The following RIC8B variants were observed in gnomAD, a reference collection of about 807,000 sequenced individuals.
RIC8B encodes RIC8 guanine nucleotide exchange factor B.
Under a neutral mutation model 57.5 loss-of-function variants are expected in RIC8B, and 16 were observed. The ratio of observed to expected loss-of-function variants is 0.28; its 90% CI spans 0.19 to 0.42. The LOEUF is 0.42. Ranked by LOEUF, RIC8B falls within the 10% of genes least tolerant of loss-of-function variation. RIC8B has a pLI of 1.00. For synonymous variants in RIC8B, 216 were observed against 250.8 expected (o/e 0.86, Z 1.31); for missense variants, 481 against 677.0 (o/e 0.71, Z 3.21).
At chr12:106,847,557 A>G (rs1245920890) in intron 6 of RIC8B, among the ~76,000 whole-genome samples, 1 of 152,176 alleles carries the variant, frequency 6.6e-6, no homozygotes, top group East Asian at 1.9e-4. Flanking sequence ...TATGGATTCC[A>G]TAAACACTTT....
chr12:106,811,205 C>G (rs1213410053), intron 2 of RIC8B, among the ~76,000 whole-genome samples: 1 of 152,230 alleles, frequency 6.6e-6, no homozygotes, highest in Non-Finnish European at 1.5e-5. Context: ...AAGGAGAAGT[C>G]AAGGTAATGT....
chr12:106,782,633 A>G (rs2043816395), intron 1 of RIC8B, among the ~76,000 whole-genome samples: 1 of 152,094 alleles, frequency 6.6e-6, no homozygotes, highest in Non-Finnish European at 1.5e-5. Flanking sequence ...ATTGTTTTGC[A>G]TCTATATTCG....
intron 2 of RIC8B, among the ~76,000 whole-genome samples, chr12:106,790,746 C>T (rs981532604): frequency 1.3e-5 from 2 of 152,186 alleles, no homozygotes; most frequent in African/African-American, 4.8e-5. Context: ...AGATTTCCAG[C>T]TCTTTCACAT....
At chr12:106,875,449 T>C (rs750924478) in intron 9 of RIC8B, among the ~76,000 whole-genome samples, 42 of 152,182 alleles carry the variant, frequency 2.8e-4, no homozygotes, top group Non-Finnish European at 4.4e-4. Flanking sequence ...TCATTTGCCT[T>C]AGCTATTGCA....
At chr12:106,847,775 G>A (rs780822270) in intron 6 of RIC8B, among the ~76,000 whole-genome samples, 6 of 152,168 alleles carry the variant, frequency 3.9e-5, no homozygotes, top group Non-Finnish European at 7.3e-5. Context: ...ATTTGACTTC[G>A]TGTCTGCCCT....
chr12:106,830,751 T>C (rs1368222293), intron 4 of RIC8B, among the ~76,000 whole-genome samples: 2 of 152,090 alleles, frequency 1.3e-5, no homozygotes, highest in Non-Finnish European at 2.9e-5. Flanking sequence ...ATTAAGACCC[T>C]CCCTCCCCCT....
At chr12:106,823,359 A>T in intron 3 of RIC8B, 1 of 445,984 alleles carries the variant, frequency 2.2e-6, no homozygotes, top group Non-Finnish European at 4.5e-6. Flanking sequence ...GAGTAGAGAA[A>T]TAGAGCTAAT....
rs568462292 is a variant in RIC8B at position 106,865,079 on chromosome 12, C to G, written c.1451+4667C>G. 1.5e-4 allele frequency among the ~76,000 whole-genome samples: 23 copies of G among 152,182 alleles called. 1 individual carries two copies. The highest frequency in any genetic ancestry group is 5.3e-4 in the African/African-American group (22 of 41,518). On this transcript the variant is annotated intron_variant, in intron 8 of 9. Coordinates refer to ENST00000392837, the MANE Select transcript of RIC8B (RefSeq NM_001330145.2). ...ATAATGCTGGTGAACATGTGTCTAC[C>G]GATATCTGTCAAGTCCCTGCTTTCT... is the stretch of plus-strand genomic sequence containing the variant.
At position 106,887,373 on chromosome 12, in the gene RIC8B, C is replaced by T. The variant is rs768578701; in HGVS notation, c.*1358C>T. 1 of 152,436 alleles carries T rather than the reference C, an allele frequency of 6.6e-6. No individual in the cohort carries two copies. Among genetic ancestry groups the T allele is most frequent in the Non-Finnish European group, 1.5e-5 (1 of 68,024 alleles). The allele number at this position is 152,436 out of a possible 1,614,324, so 9.4% of individuals were successfully genotyped here. A position where few individuals can be genotyped will look rare whatever the true frequency, so the allele number is the denominator to read the frequency against. ...TGCTTTTTTAAAGTGCTTTTACATC[C>T]ATGGTCCCACTTCTAATAGCCTTTT... On this transcript the variant is annotated 3_prime_UTR_variant, in exon 10 of 10. Transcript: ENST00000392837.
chr12:106,783,397 T>C (rs1283898848), intron 1 of RIC8B, among the ~76,000 whole-genome samples: 1 of 152,206 alleles, frequency 6.6e-6, no homozygotes, highest in Non-Finnish European at 1.5e-5. Context: ...TAAACTCTTA[T>C]TCTTATTGAA....
chr12:106,853,260 G>A (rs751811097), intron 7 of RIC8B, among the ~76,000 whole-genome samples: 63 of 151,290 alleles, frequency 4.2e-4, no homozygotes, highest in African/African-American at 1.1e-3. Context: ...TCACATTACC[G>A]ATGAGTATCA....
intron 1 of RIC8B, among the ~76,000 whole-genome samples, chr12:106,776,673 G>C (rs1160712304): frequency 6.6e-6 from 1 of 152,154 alleles, no homozygotes; most frequent in Admixed American, 6.5e-5. Context: ...GCCAGGTGCT[G>C]TCAGAGCTTA....
At chr12:106,847,949 T>A (rs989822935) in intron 6 of RIC8B, among the ~76,000 whole-genome samples, 3 of 152,182 alleles carry the variant, frequency 2.0e-5, no homozygotes, top group Admixed American at 6.5e-5. Flanking sequence ...TCTGCCCCAG[T>A]GGAACTTGGT....
chr12:106,875,730 G>A (rs982080895), intron 9 of RIC8B, among the ~76,000 whole-genome samples: 8 of 151,982 alleles, frequency 5.3e-5, no homozygotes, highest in African/African-American at 1.9e-4. Context: ...ATAAATTAAA[G>A]ATAATTGTTC....
intron 2 of RIC8B, among the ~76,000 whole-genome samples, chr12:106,810,905 C>T (rs1046969481): frequency 6.6e-6 from 1 of 152,042 alleles, no homozygotes; most frequent in Non-Finnish European, 1.5e-5. Context: ...AAATGAGGTC[C>T]AGAGACAAGT....
intron 2 of RIC8B, among the ~76,000 whole-genome samples, chr12:106,802,532 GA>G (rs1381346914): frequency 7.6e-6 from 1 of 131,644 alleles, no homozygotes; most frequent in African/African-American, 2.9e-5. Context: ...TACAATATGA[GA>G]ATTTTTTTTT....
intron 4 of RIC8B, among the ~76,000 whole-genome samples, chr12:106,835,900 T>C (rs1395551780): frequency 6.6e-6 from 1 of 152,238 alleles, no homozygotes; most frequent in Non-Finnish European, 1.5e-5. Context: ...TTCTTGAAGC[T>C]TCCCCACCTG....
intron 2 of RIC8B, among the ~76,000 whole-genome samples, chr12:106,799,640 C>G (rs544068404): frequency 3.9e-5 from 6 of 152,274 alleles, no homozygotes; most frequent in Non-Finnish European, 8.8e-5. Context: ...AGATACATTT[C>G]TATCTTACAA....
chr12:106,853,631 G>C (rs1477999049), intron 7 of RIC8B, among the ~76,000 whole-genome samples: 8 of 151,506 alleles, frequency 5.3e-5, no homozygotes. Context: ...AACATGCCTG[G>C]CTAATTTTTG....
Sources: allele counts gnomAD v4.1 joint callset (sites outside exome capture counted in the v4.1 genomes callset), GRCh38; gene constraint gnomAD v4.1.1; transcripts MANE v1.5; gene names NCBI Gene and HGNC (gene_info 2026-07-23, HGNC 2026-07-21).